Variants in TMEM61 observed in about 807,000 individuals in gnomAD.
TMEM61 encodes the protein transmembrane protein 61.
TMEM61 carries 13 observed loss-of-function variants against 12.0 expected under a neutral mutation model. The observed-to-expected ratio is 1.08, with a 90% CI of 0.70 to 1.72. The LOEUF is 1.72. Among genes scored for constraint, TMEM61 ranks in the 40% most tolerant of loss-of-function variants. The pLI is 0.00. For synonymous variants in TMEM61, 109 were observed against 121.4 expected, an observed-to-expected ratio of 0.90 and a Z score of 0.67; for missense variants, 249 against 276.9, an observed-to-expected ratio of 0.90 and a Z score of 0.71.
chr1:54,982,566 A>G (rs1313391817), intron 1 of TMEM61, among the ~76,000 whole-genome samples: 1 of 152,102 alleles, frequency 6.6e-6, no homozygotes, highest in Non-Finnish European at 1.5e-5. Context: ...CCACACAGAA[A>G]ATGACCCCGA....
intron 1 of TMEM61, among the ~76,000 whole-genome samples, chr1:54,984,398 G>C (rs759523645): frequency 2.0e-5 from 3 of 152,136 alleles, no homozygotes; most frequent in East Asian, 1.9e-4. Flanking sequence ...AAGCAGGCCC[G>C]GGGCAGGTGA....
At chr1:54,990,143 C>T (rs1019229555) in intron 2 of TMEM61, among the ~76,000 whole-genome samples, 6 of 152,128 alleles carry the variant, frequency 3.9e-5, no homozygotes, top group African/African-American at 1.2e-4. Context: ...AGGGTGAGGA[C>T]AGGCACTATC....
chr1:54,986,127 C>T lies in TMEM61; in HGVS notation c.46C>T (p.Leu16Phe), dbSNP rs1318301824. The change falls in exon 2 of 3, where the codon CTC becomes TTC. Residue 16 changes from leucine to phenylalanine, a missense_variant. Transcript: ENST00000371268. ...MCDGSHLAST[L>F]RYCMTVSGTV... ...TGACGGGAGCCACTTGGCCTCCACC[C>T]TCCGCTATTGCATGACAGTCAGCGG... The T allele has an allele frequency of 1.9e-6, 3 of 1,601,256 alleles. No homozygotes were observed. In the Admixed American group the frequency reaches 5.0e-5, roughly 27 times the overall value.
rs1644212634 is a variant in TMEM61, at chr1:54,980,775, G to A, written c.-291G>A. ...CCCGCGGGGAGCGCGCAGCCCTCGG[G>A]GCGGGCGCCGGGGTGAGGCCTGGCT... On this transcript the variant is annotated 5_prime_UTR_variant, in exon 1 of 3. Coordinates refer to ENST00000371268, the MANE Select transcript of TMEM61 (RefSeq NM_182532.3). The A allele has an allele frequency of 5.9e-6, 2 of 339,876 alleles. No individual in the cohort carries two copies. 21.1% of individuals were successfully genotyped at this position (339,876 alleles called of 1,614,324 possible).
intron 2 of TMEM61, among the ~76,000 whole-genome samples, chr1:54,991,102 G>A (rs185058880): frequency 3.3e-5 from 5 of 152,354 alleles, no homozygotes; most frequent in Admixed American, 6.5e-5. Context: ...GGGCTCTGAG[G>A]GGGCCGACAG....
chr1:54,986,347 T>G lies in TMEM61; in HGVS notation c.266T>G (p.Val89Gly). Residue 89 changes from valine to glycine, a missense_variant, in exon 2 of 3, where the codon GTC (valine) becomes GGC (glycine). Coordinates refer to ENST00000371268, the MANE Select transcript of TMEM61 (RefSeq NM_182532.3). ...CTGCTCATTGGCCTGCTGTGGTCCG[T>G]CAAGGCCAGCATCCCAGGGCCACCT... ...LLLLIGLLWS[V>G]KASIPGPPRW... The G allele has an allele frequency of 6.2e-7, 1 of 1,613,942 alleles. No homozygotes were observed. Among genetic ancestry groups the G allele is most frequent in the African/African-American group, 1.3e-5 (1 of 75,038 alleles).
At chr1:54,990,053 A>T (rs1005118571) in intron 2 of TMEM61, among the ~76,000 whole-genome samples, 6 of 152,094 alleles carry the variant, frequency 3.9e-5, no homozygotes, top group African/African-American at 1.4e-4. Context: ...GTCACACAGC[A>T]GTAGAACCCA....
rs764219046 is a variant in TMEM61 at position 54,981,199 on chromosome 1, C to T, written c.15+119C>T. ...TGGCTTGGTGGGCAGTGTGGACACC[C>T]GGGGCTCTGCCTGGGTTTTATCTTG... On this transcript the variant is annotated intron_variant, in intron 1 of 2. Transcript: ENST00000371268. 6.0e-6 allele frequency: 7 copies of T among 1,160,952 alleles called. No individual in the cohort carries two copies. The East Asian group carries it at 1.2e-4, about 19-fold the overall frequency. The allele number at this position is 1,160,952 out of a possible 1,614,324, so 71.9% of individuals were successfully genotyped here. A position where few individuals can be genotyped will look rare whatever the true frequency, so the allele number is the denominator to read the frequency against.
chr1:54,986,510 A>G, intron 2 of TMEM61, 64 bp downstream of exon 2: 3 of 1,348,934 alleles, frequency 2.2e-6, no homozygotes, highest in Non-Finnish European at 3.0e-6. Context: ...ACACCAGCCC[A>G]CCAGCCAGCA....
chr1:54,982,126 G>A (rs1644226871), intron 1 of TMEM61, among the ~76,000 whole-genome samples: 1 of 152,132 alleles, frequency 6.6e-6, no homozygotes, highest in Admixed American at 6.5e-5. Flanking sequence ...TTGCAGGCAG[G>A]GATTTGAACT....
At chr1:54,990,725 C>T (rs1644292355) in intron 2 of TMEM61, among the ~76,000 whole-genome samples, 1 of 152,096 alleles carries the variant, frequency 6.6e-6, no homozygotes, top group Non-Finnish European at 1.5e-5. Context: ...CACAGGAGCC[C>T]CTTGAGATTC....
At chr1:54,986,588 C>T in intron 2 of TMEM61, 142 bp downstream of exon 2, 1 of 743,774 alleles carries the variant, frequency 1.3e-6, no homozygotes, top group Non-Finnish European at 2.1e-6. Flanking sequence ...GTCCTGGGTA[C>T]ACGGAAGCTG....
chr1:54,991,677 C>T (rs952828301), intron 2 of TMEM61, among the ~76,000 whole-genome samples, 159 bp from the exon 3 acceptor site: 8 of 152,202 alleles, frequency 5.3e-5, no homozygotes, highest in Non-Finnish European at 5.9e-5. Context: ...GGGGCTGGCT[C>T]ATGCCAAGTT....
At chr1:54,982,858 A>T (rs1644232324) in intron 1 of TMEM61, among the ~76,000 whole-genome samples, 1 of 152,128 alleles carries the variant, frequency 6.6e-6, no homozygotes, top group Non-Finnish European at 1.5e-5. Context: ...AATTGTGGAG[A>T]AATTGTCACC....
At chr1:54,991,414 G>A (rs1204884168) in intron 2 of TMEM61, among the ~76,000 whole-genome samples, 3 of 152,206 alleles carry the variant, frequency 2.0e-5, no homozygotes, top group African/African-American at 7.2e-5. Flanking sequence ...TCTGCCCTGG[G>A]CATCCCAATT....
chr1:54,983,525 C>T (rs915047964), intron 1 of TMEM61, among the ~76,000 whole-genome samples: 21 of 152,168 alleles, frequency 1.4e-4, no homozygotes, highest in Admixed American at 5.2e-4. Flanking sequence ...GGTTGCCCCA[C>T]GCAGGTGTGC....
At chr1:54,991,064 G>A (rs1034054694) in intron 2 of TMEM61, among the ~76,000 whole-genome samples, 6 of 152,218 alleles carry the variant, frequency 3.9e-5, no homozygotes, top group African/African-American at 1.4e-4. Flanking sequence ...TTGGGGAGGG[G>A]CATTGGATCC....
chr1:54,986,045 C>T, intron 1 of TMEM61, 52 bp from the exon 2 acceptor site: 12 of 1,499,600 alleles, frequency 8.0e-6, no homozygotes, highest in Non-Finnish European at 4.5e-6. Context: ...ACCTGGCCTC[C>T]AGCACCTTTC....
intron 1 of TMEM61, among the ~76,000 whole-genome samples, chr1:54,983,712 CAT>C (rs1644239270): frequency 6.6e-6 from 1 of 152,182 alleles, no homozygotes; most frequent in Admixed American, 6.5e-5. Flanking sequence ...AGTACCATAA[CAT>C]ACAGGCAGTG....
Sources: gnomAD v4.1 joint callset for allele counts (sites outside exome capture counted in the v4.1 genomes callset) on GRCh38, gnomAD v4.1.1 for gene constraint, MANE v1.5 for transcripts, NCBI Gene and HGNC (gene_info 2026-07-23, HGNC 2026-07-21) for gene names.